PALM2AKAP2: variants seen among roughly 807,000 people sequenced by gnomAD.
The protein encoded by PALM2AKAP2 is PALM2-AKAP2 fusion protein.
PALM2AKAP2 carries 37 observed loss-of-function variants against 71.5 expected under a neutral mutation model. The observed-to-expected ratio is 0.52, with a 90% confidence interval of 0.40 to 0.68. The LOEUF (loss-of-function observed/expected upper bound fraction) is 0.68. Among genes scored for constraint, PALM2AKAP2 ranks in the 30% least tolerant of loss-of-function variants. The pLI is 0.00. For synonymous variants in PALM2AKAP2, 468 were observed against 478.8 expected, an observed-to-expected ratio of 0.98 and a Z score of 0.29; for missense variants, 1,224 against 1,191.8, an observed-to-expected ratio of 1.03 and a Z score of -0.40.
At chr9:110,147,144 G>A (rs1198136211) in intron 2 of PALM2AKAP2, among the ~76,000 whole-genome samples, 9 of 151,868 alleles carry the variant, frequency 5.9e-5, no homozygotes, top group Non-Finnish European at 2.9e-5. Context: ...CCAGCTACTC[G>A]GGAGGCTGAG....
intron 6 of PALM2AKAP2, among the ~76,000 whole-genome samples, chr9:109,942,366 A>C (rs1831390589): frequency 6.6e-6 from 1 of 152,230 alleles, no homozygotes. Context: ...GGTAGTTTGC[A>C]TGTTGCCAGC....
upstream of PALM2AKAP2, among the ~76,000 whole-genome samples, chr9:110,043,716 G>GTTTTTTTTTTTTT (rs61128628): frequency 1.1e-5 from 1 of 91,582 alleles, no homozygotes; most frequent in Non-Finnish European, 2.0e-5. Flanking sequence ...TTTTTTTGGT[G>GTTTTTTTTTTTTT]TTTTTTTTTT....
intron 1 of PALM2AKAP2, among the ~76,000 whole-genome samples, chr9:110,070,850 C>A (rs1315643951): frequency 6.6e-6 from 1 of 152,008 alleles, no homozygotes; most frequent in Non-Finnish European, 1.5e-5. Flanking sequence ...GAATAATACC[C>A]ATCCGGCAAG....
chr9:110,040,002 A>G (rs1054641951), intron 7 of PALM2AKAP2, among the ~76,000 whole-genome samples: 1 of 152,136 alleles, frequency 6.6e-6, no homozygotes, highest in African/African-American at 2.4e-5. Flanking sequence ...GAGAGAAGGA[A>G]GGAAGACAGG....
chr9:109,693,232 A>G (rs1050023120), intron 1 of PALM2AKAP2, among the ~76,000 whole-genome samples: 3 of 151,896 alleles, frequency 2.0e-5, no homozygotes, highest in Non-Finnish European at 4.4e-5. Flanking sequence ...AAAATTGCCA[A>G]TTTAATCTTT....
At chr9:109,648,204 C>T (rs1827179257) in intron 1 of PALM2AKAP2, among the ~76,000 whole-genome samples, 1 of 152,212 alleles carries the variant, frequency 6.6e-6, no homozygotes, top group Non-Finnish European at 1.5e-5. Flanking sequence ...CCTCTCCAGC[C>T]ATGCAGAACT....
intron 3 of PALM2AKAP2, among the ~76,000 whole-genome samples, chr9:109,890,539 A>C (rs1026201694): frequency 6.6e-6 from 1 of 152,276 alleles, no homozygotes; most frequent in Non-Finnish European, 1.5e-5. Context: ...TCCTAAAAGC[A>C]ACTTCCGACA....
intron 3 of PALM2AKAP2, among the ~76,000 whole-genome samples, chr9:109,906,521 C>A (rs1329755742): frequency 6.6e-6 from 1 of 152,164 alleles, no homozygotes; most frequent in Non-Finnish European, 1.5e-5. Context: ...TTTAATATTG[C>A]CAACTTTTTT....
intron 1 of PALM2AKAP2, among the ~76,000 whole-genome samples, chr9:109,806,448 C>T (rs755589446): frequency 4.6e-5 from 7 of 152,174 alleles, no homozygotes; most frequent in Admixed American, 2.6e-4. Flanking sequence ...TCTGCCCTCA[C>T]GGAGCTTGCA....
At chr9:109,755,935 T>A (rs1828957133) in intron 1 of PALM2AKAP2, among the ~76,000 whole-genome samples, 1 of 152,162 alleles carries the variant, frequency 6.6e-6, no homozygotes, top group African/African-American at 2.4e-5. Context: ...CACAGAGATG[T>A]ACCATGATAA....
intron 6 of PALM2AKAP2, among the ~76,000 whole-genome samples, chr9:109,954,145 T>G (rs1588030917): frequency 6.6e-6 from 1 of 152,176 alleles, no homozygotes; most frequent in African/African-American, 2.4e-5. Flanking sequence ...TAAAAAGGAT[T>G]AACAAAATTG....
intron 1 of PALM2AKAP2, among the ~76,000 whole-genome samples, chr9:110,135,615 C>T (rs935663105): frequency 6.6e-6 from 1 of 152,146 alleles, no homozygotes; most frequent in African/African-American, 2.4e-5. Context: ...ACAGCCATGG[C>T]AGTGAGGCAC....
chr9:109,915,044 C>T (rs1355213275), intron 3 of PALM2AKAP2, among the ~76,000 whole-genome samples: 1 of 152,142 alleles, frequency 6.6e-6, no homozygotes, highest in East Asian at 1.9e-4. Flanking sequence ...ATCTGTACTC[C>T]ACCATGGAAA....
intron 1 of PALM2AKAP2, among the ~76,000 whole-genome samples, chr9:109,850,512 G>A (rs551229132): frequency 6.6e-6 from 1 of 151,966 alleles, no homozygotes; most frequent in African/African-American, 2.4e-5. Context: ...CTAAGAGAAG[G>A]GGCCTGAAAG....
At chr9:109,913,944 G>C (rs369712818) in intron 3 of PALM2AKAP2, among the ~76,000 whole-genome samples, 1 of 152,022 alleles carries the variant, frequency 6.6e-6, no homozygotes, top group African/African-American at 2.4e-5. Flanking sequence ...TTTTAGTAGA[G>C]ATGGGGTTTC....
intron 7 of PALM2AKAP2, among the ~76,000 whole-genome samples, chr9:110,027,002 C>T (rs1176525963): frequency 6.6e-6 from 1 of 152,190 alleles, no homozygotes; most frequent in Non-Finnish European, 1.5e-5. Context: ...GAGATCGCGC[C>T]ACTGCACTCC....
chr9:109,701,464 G>A (rs1012444997), intron 1 of PALM2AKAP2, among the ~76,000 whole-genome samples: 7 of 152,280 alleles, frequency 4.6e-5, no homozygotes, highest in African/African-American at 1.7e-4. Context: ...TTTGATCTTT[G>A]ACAAACCTGA....
chr9:109,996,420 A>G (rs1157883249), intron 6 of PALM2AKAP2, among the ~76,000 whole-genome samples: 2 of 152,358 alleles, frequency 1.3e-5, no homozygotes, highest in South Asian at 2.1e-4. Flanking sequence ...TGCAAGTCTC[A>G]TGGTTGCTTA....
chr9:109,980,326 A>C (rs2132191202), intron 6 of PALM2AKAP2, among the ~76,000 whole-genome samples: 1 of 152,220 alleles, frequency 6.6e-6, no homozygotes, highest in East Asian at 1.9e-4. Context: ...ATCGAGGCTC[A>C]GATGACCTCC....
Sources: allele counts gnomAD v4.1 joint callset (sites outside exome capture counted in the v4.1 genomes callset), GRCh38; gene constraint gnomAD v4.1.1; transcripts MANE v1.5; gene names NCBI Gene and HGNC (gene_info 2026-07-23, HGNC 2026-07-21).